The following HYAL4 variants were observed in gnomAD, a reference collection of about 807,000 sequenced individuals.
The protein encoded by HYAL4 is hyaluronidase 4.
HYAL4 carries 37 observed loss-of-function variants against 35.2 expected under a neutral mutation model. The ratio of observed to expected loss-of-function variants is 1.05; its 90% CI spans 0.81 to 1.38. HYAL4 has a LOEUF of 1.38. Among genes scored for constraint, HYAL4 ranks in the 40% most tolerant of loss-of-function variants. HYAL4 has a pLI of 0.00. For missense variants in HYAL4, 572 were observed against 572.4 expected (o/e 1.00, Z 0.01); for synonymous variants, 198 against 203.2 (o/e 0.97, Z 0.22).
the HYAL4 span, among the ~76,000 whole-genome samples, chr7:123,823,459 G>A: frequency 6.6e-6 from 1 of 151,948 alleles, no homozygotes; most frequent in East Asian, 1.9e-4. Context: ...GGTAATGCTG[G>A]CATCATAAAG....
the HYAL4 span, among the ~76,000 whole-genome samples, chr7:123,773,134 T>C: frequency 1.3e-5 from 2 of 152,226 alleles, no homozygotes; most frequent in Admixed American, 1.3e-4. Flanking sequence ...TTTTTCCTGA[T>C]TCTTATTCGC....
At chr7:123,852,925 G>A (rs973861835) in intron 2 of HYAL4, among the ~76,000 whole-genome samples, 1 of 152,108 alleles carries the variant, frequency 6.6e-6, no homozygotes, top group Admixed American at 6.6e-5. Flanking sequence ...ACAGTGGTTT[G>A]TAGTTCTCCT....
At chr7:123,816,097 T>C in the HYAL4 span, among the ~76,000 whole-genome samples, 4 of 150,818 alleles carry the variant, frequency 2.7e-5, no homozygotes, top group African/African-American at 5.0e-5. Flanking sequence ...CCCTTTCTTA[T>C]ACTTTAACAC....
the HYAL4 span, among the ~76,000 whole-genome samples, chr7:123,801,146 C>T: frequency 1.3e-5 from 2 of 152,076 alleles, no homozygotes; most frequent in East Asian, 1.9e-4. Context: ...GAAACCCTGT[C>T]TCTACTAAAA....
At chr7:123,794,991 C>T in the HYAL4 span, among the ~76,000 whole-genome samples, 1 of 152,222 alleles carries the variant, frequency 6.6e-6, no homozygotes, top group Non-Finnish European at 1.5e-5. Flanking sequence ...CCCTGCAAAG[C>T]CACAGGGGCT....
chr7:123,822,764 G>A, the HYAL4 span, among the ~76,000 whole-genome samples: 1 of 152,092 alleles, frequency 6.6e-6, no homozygotes, highest in Non-Finnish European at 1.5e-5. Flanking sequence ...TTCAAACCCA[G>A]CCTTGGCAAC....
the HYAL4 span, among the ~76,000 whole-genome samples, chr7:123,779,160 T>A: frequency 6.6e-6 from 1 of 152,194 alleles, no homozygotes; most frequent in East Asian, 1.9e-4. Flanking sequence ...ATAAAGATTT[T>A]AAAAAATTTC....
intron 2 of HYAL4, among the ~76,000 whole-genome samples, chr7:123,860,930 G>GTT (rs1463532672): frequency 6.6e-6 from 1 of 152,150 alleles, no homozygotes; most frequent in African/African-American, 2.4e-5. Flanking sequence ...GTTGCCATTT[G>GTT]TAAAGCCAGG....
chr7:123,873,414 A>C (rs1229998344), intron 3 of HYAL4, among the ~76,000 whole-genome samples: 3 of 152,154 alleles, frequency 2.0e-5, no homozygotes, highest in African/African-American at 7.2e-5. Context: ...AAAAAAAAAA[A>C]AAAACTTTAA....
the HYAL4 span, among the ~76,000 whole-genome samples, chr7:123,805,817 G>A: frequency 1.3e-5 from 2 of 151,908 alleles, no homozygotes; most frequent in African/African-American, 4.8e-5. Context: ...AGGCTTTTTT[G>A]GTAGAAATGA....
chr7:123,863,316 T>C (rs550414970), intron 2 of HYAL4, among the ~76,000 whole-genome samples: 2 of 150,524 alleles, frequency 1.3e-5, no homozygotes, highest in East Asian at 3.9e-4. Flanking sequence ...CTTATAAGAA[T>C]GAACACTAAG....
intron 2 of HYAL4, among the ~76,000 whole-genome samples, chr7:123,865,725 G>A (rs778933348): frequency 6.6e-6 from 1 of 152,154 alleles, no homozygotes; most frequent in African/African-American, 2.4e-5. Context: ...GTGGTTAGAC[G>A]TGATAATTAC....
Position 123,845,521 on chromosome 7 carries a change from A to G in HYAL4, c.-286A>G, listed in dbSNP as rs987444292. 2 of 151,888 alleles carry G rather than the reference A, an allele frequency of 1.3e-5. No homozygotes were observed. Among genetic ancestry groups the G allele is most frequent in the Admixed American group, 6.6e-5 (1 of 15,232 alleles). 9.4% of individuals were successfully genotyped at this position (151,888 alleles called of 1,614,324 possible). A position where few individuals can be genotyped will look rare whatever the true frequency, so the allele number is the denominator to read the frequency against. ...CCGTGCCTTGCTATTTATGCCATCT[A>G]TTTCACTGAAGATTCCGCCTCTCAT... On this transcript the variant is annotated 5_prime_UTR_variant, in exon 1 of 5. Transcript: ENST00000223026.
At chr7:123,858,901 G>A (rs1001894068) in intron 2 of HYAL4, among the ~76,000 whole-genome samples, 2 of 152,104 alleles carry the variant, frequency 1.3e-5, no homozygotes, top group Non-Finnish European at 2.9e-5. Context: ...TTGCACTGAG[G>A]TATTTTGTGT....
chr7:123,765,711 C>T, the HYAL4 span, among the ~76,000 whole-genome samples: 1 of 152,122 alleles, frequency 6.6e-6, no homozygotes, highest in Non-Finnish European at 1.5e-5. Context: ...CTGTAATCAG[C>T]ATTTCAACTA....
At chr7:123,849,362 G>T (rs528548303) in intron 2 of HYAL4, among the ~76,000 whole-genome samples, 6 of 151,610 alleles carry the variant, frequency 4.0e-5, no homozygotes, top group Non-Finnish European at 8.8e-5. Context: ...GTGCATCGGC[G>T]CGATCTTGGC....
chr7:123,853,814 C>T lies in HYAL4; in HGVS notation c.-52+5656C>T, dbSNP rs185937557. ...TTCTGAAGGAATGGTACCAGCTCCT[C>T]TTTGTACCTCTGGTAGAATTCGGAT... is the stretch of plus-strand genomic sequence containing the variant. On this transcript the variant is annotated intron_variant, in intron 2 of 4. Transcript: ENST00000223026. Among the ~76,000 whole-genome samples, 107 of 152,282 alleles carry T rather than the reference C, an allele frequency of 7.0e-4. 1 individual carries two copies. The highest frequency in any genetic ancestry group is 1.2e-3 in the Non-Finnish European group (80 of 68,014).
At chr7:123,836,889 G>A (rs867465924) in intron 1 of HYAL4, among the ~76,000 whole-genome samples, 6 of 152,020 alleles carry the variant, frequency 3.9e-5, no homozygotes, top group Admixed American at 6.6e-5. Context: ...TTAGCTGGGC[G>A]CAGTGGTGGG....
chr7:123,857,705 C>CTTT (rs1562999542), intron 2 of HYAL4, among the ~76,000 whole-genome samples: 1 of 150,652 alleles, frequency 6.6e-6, no homozygotes. Context: ...TTCTTTCTTT[C>CTTT]TTTCTTTCTT....
Sources: gnomAD v4.1 joint callset for allele counts (sites outside exome capture counted in the v4.1 genomes callset) on GRCh38, gnomAD v4.1.1 for gene constraint, MANE v1.5 for transcripts, NCBI Gene and HGNC (gene_info 2026-07-23, HGNC 2026-07-21) for gene names.